The following PDIA4 variants were observed in gnomAD, a reference collection of about 807,000 sequenced individuals.
The protein encoded by PDIA4 is protein disulfide isomerase family A member 4, also known as protein disulfide-isomerase A4.
A neutral mutation model predicts 62.1 loss-of-function variants in PDIA4; 33 were observed. The ratio of observed to expected loss-of-function variants is 0.53; its 90% CI spans 0.40 to 0.71. PDIA4 has a LOEUF of 0.71. PDIA4 is among the 30% of genes least tolerant of loss of function. The probability of loss-of-function intolerance (pLI) is 0.00; values close to 1 mark genes in which losing one functional copy is unlikely to be tolerated. For synonymous variants in PDIA4, 341 were observed against 324.1 expected (o/e 1.05, Z -0.56); for missense variants, 804 against 813.6 (o/e 0.99, Z 0.14).
intron 2 of PDIA4, among the ~76,000 whole-genome samples, chr7:149,020,524 T>C (rs1457712664): frequency 1.3e-5 from 2 of 151,940 alleles, no homozygotes; most frequent in Non-Finnish European, 2.9e-5. Context: ...ATGTGTGTAG[T>C]AAAAAATCCA....
At chr7:149,027,702 A>G (rs766401755) in intron 1 of PDIA4, 4 of 358,752 alleles carry the variant, frequency 1.1e-5, no homozygotes, top group African/African-American at 2.3e-5. Flanking sequence ...CACACTCACA[A>G]TCTTTTCCTC....
chr7:149,022,467 C>A (rs1318296364), intron 1 of PDIA4, among the ~76,000 whole-genome samples: 1 of 152,228 alleles, frequency 6.6e-6, no homozygotes, highest in African/African-American at 2.4e-5. Context: ...ACCAGGTTCT[C>A]TGGCTACTGT....
chr7:149,018,022 G>A (rs994671235), intron 3 of PDIA4, among the ~76,000 whole-genome samples: 40 of 152,184 alleles, frequency 2.6e-4, no homozygotes, highest in Admixed American at 9.2e-4. Context: ...GAGGTCAGGA[G>A]ATCGAGACCA....
Position 149,003,191 on chromosome 7 carries a change from G to T in PDIA4, c.*603C>A. 1 of 167,744 alleles carries T rather than the reference G, an allele frequency of 6.0e-6. No individual in the cohort carries two copies. 10.4% of individuals were successfully genotyped at this position (167,744 alleles called of 1,614,324 possible). On this transcript the variant is annotated 3_prime_UTR_variant, in exon 10 of 10. Transcript: ENST00000652332. ...CTGGGGGCTCTCAAGAGGTGGGGCT[G>T]CCACGTGGGTGGCCTCTCCCTGGAG...
Position 149,003,785 on chromosome 7 carries a change from C to T in PDIA4, c.*9G>A, listed in dbSNP as rs746347900. 4 of 1,528,408 alleles carry T rather than the reference C, an allele frequency of 2.6e-6. No homozygotes were observed. Among genetic ancestry groups the T allele is most frequent in the South Asian group, 1.3e-5 (1 of 76,070 alleles). 94.7% of individuals were successfully genotyped at this position (1,528,408 alleles called of 1,614,324 possible). ...CTGCCTCCTCCCACCTTCCGCAGAC[C>T]TCAGGCCTTCAAAGCTCTTCCTTGG... On this transcript the variant is annotated 3_prime_UTR_variant, in exon 10 of 10. Transcript: ENST00000652332.
chr7:149,018,244 A>T (rs1824213490), intron 3 of PDIA4, among the ~76,000 whole-genome samples: 1 of 152,028 alleles, frequency 6.6e-6, no homozygotes, highest in South Asian at 2.1e-4. Context: ...AAAAATAAAA[A>T]AGAAATGCAA....
In PDIA4 at chr7:149,020,817, G is replaced by GCGC; in HGVS notation, c.269+149_269+150insGCG. ...CGTTCAACGCACAGTGGTAGAACGA[G>GCGC]TGAGCTCCCAGCGTTCTTAAAGCTA... On this transcript the variant is annotated intron_variant, in intron 2 of 9. Coordinates refer to ENST00000652332, the MANE Select transcript of PDIA4 (RefSeq NM_004911.5). The GCGC allele has an allele frequency of 5.3e-6, 7 of 1,308,788 alleles. No individual in the cohort carries two copies. In the South Asian group the frequency reaches 1.1e-4, roughly 21 times the overall value. The allele number at this position is 1,308,788 out of a possible 1,614,324, so 81.1% of individuals were successfully genotyped here. A position where few individuals can be genotyped will look rare whatever the true frequency, so the allele number is the denominator to read the frequency against.
chr7:149,006,278 G>A (rs1441855274), intron 7 of PDIA4: 1 of 487,366 alleles, frequency 2.1e-6, no homozygotes, highest in Non-Finnish European at 3.6e-6. Context: ...TTGGGAAAAG[G>A]CAAACACCTT....
At chr7:149,006,456 A>G (rs537464882) in intron 7 of PDIA4, among the ~76,000 whole-genome samples, 36 of 152,266 alleles carry the variant, frequency 2.4e-4, no homozygotes, top group Non-Finnish European at 4.7e-4. Flanking sequence ...CACACTTCAC[A>G]ACGACTGGAG....
At chr7:149,018,456 G>A (rs1824221824) in intron 3 of PDIA4, among the ~76,000 whole-genome samples, 1 of 151,526 alleles carries the variant, frequency 6.6e-6, no homozygotes, top group Admixed American at 6.6e-5. Context: ...TTTTGAAACA[G>A]AGTCTCATTC....
chr7:149,012,082 C>T, intron 5 of PDIA4, 73 bp downstream of exon 5: 1 of 1,607,472 alleles, frequency 6.2e-7, no homozygotes, highest in South Asian at 1.1e-5. Context: ...CAGCCCCCAG[C>T]ACCTTCAATG....
chr7:149,011,272 T>C (rs1388471340), intron 6 of PDIA4, among the ~76,000 whole-genome samples: 2 of 152,138 alleles, frequency 1.3e-5, no homozygotes, highest in African/African-American at 4.8e-5. Context: ...AGACGATGGA[T>C]TTCAGGATGG....
chr7:149,007,100 C>A (rs1823785441), intron 7 of PDIA4, among the ~76,000 whole-genome samples: 1 of 152,094 alleles, frequency 6.6e-6, no homozygotes, highest in African/African-American at 2.4e-5. Context: ...GTCGCAGCAG[C>A]CACTATGAGT....
chr7:149,005,136 C>T lies in PDIA4; in HGVS notation c.1522+5G>A. 1 of 1,607,560 alleles carries T rather than the reference C, an allele frequency of 6.2e-7. No individual in the cohort carries two copies. The highest frequency in any genetic ancestry group is 8.5e-7 in the Non-Finnish European group (1 of 1,174,050). Reference sequence around the variant, plus strand: ...GGGAGACCCCAGCCCCAGCCACGGGCTCACCTTTTTTGAAAGCAGTGACAA... The same window carrying T: ...GGGAGACCCCAGCCCCAGCCACGGGTTCACCTTTTTTGAAAGCAGTGACAA... On this transcript the variant is annotated splice_donor_5th_base_variant and intron_variant, in intron 9 of 9. Coordinates refer to ENST00000652332, the MANE Select transcript of PDIA4 (RefSeq NM_004911.5).
intron 2 of PDIA4, among the ~76,000 whole-genome samples, chr7:149,020,701 C>T (rs1313729926): frequency 6.6e-6 from 1 of 152,182 alleles, no homozygotes; most frequent in Non-Finnish European, 1.5e-5. Flanking sequence ...ATGCCCGTCC[C>T]CCAGCTGTGA....
chr7:149,025,688 T>C (rs1824525709), intron 1 of PDIA4, among the ~76,000 whole-genome samples: 1 of 152,218 alleles, frequency 6.6e-6, no homozygotes, highest in African/African-American at 2.4e-5. Flanking sequence ...ATTGTCACAT[T>C]AGATTTTCTT....
intron 1 of PDIA4, among the ~76,000 whole-genome samples, chr7:149,024,084 T>C (rs1824451991): frequency 6.6e-6 from 1 of 152,136 alleles, no homozygotes; most frequent in African/African-American, 2.4e-5. Context: ...CCGTCTTTAC[T>C]AAAAGTACAA....
chr7:149,027,496 G>C (rs748895384), intron 1 of PDIA4, among the ~76,000 whole-genome samples: 9 of 152,212 alleles, frequency 5.9e-5, no homozygotes, highest in Non-Finnish European at 1.3e-4. Context: ...GTGATTAAAA[G>C]TAAGGGCAGA....
intron 6 of PDIA4, 84 bp from the exon 7 acceptor site, chr7:149,008,394 A>C: frequency 7.0e-7 from 1 of 1,424,618 alleles, no homozygotes; most frequent in South Asian, 1.3e-5. Flanking sequence ...CAGCCAAAGC[A>C]AATGTTCTGA....
Sources: gnomAD v4.1 joint callset for allele counts (sites outside exome capture counted in the v4.1 genomes callset) on GRCh38, gnomAD v4.1.1 for gene constraint, MANE v1.5 for transcripts, NCBI Gene and HGNC (gene_info 2026-07-23, HGNC 2026-07-21) for gene names.